HGD: variants seen among roughly 807,000 people sequenced by gnomAD.
HGD encodes the protein homogentisate oxidase.
Under a neutral mutation model 60.8 loss-of-function variants are expected in HGD, and 61 were observed. The observed-to-expected ratio is 1.00, with a 90% CI of 0.82 to 1.24. The LOEUF is 1.24. Ranked by LOEUF, HGD falls within the 50% of genes most tolerant of loss-of-function variation. The pLI is 0.00. For missense variants in HGD, 542 were observed against 547.1 expected, an observed-to-expected ratio of 0.99 and a Z score of 0.09; for synonymous variants, 212 against 187.7, an observed-to-expected ratio of 1.13 and a Z score of -1.06.
At chr3:120,630,877 C>CAA (rs1321831817) in intron 13 of HGD, among the ~76,000 whole-genome samples, 1 of 127,152 alleles carries the variant, frequency 7.9e-6, no homozygotes, top group East Asian at 2.2e-4. Flanking sequence ...CACACACACA[C>CAA]AGATAATGGA....
chr3:120,639,566 C>T (rs573782570), intron 11 of HGD, among the ~76,000 whole-genome samples: 1 of 152,304 alleles, frequency 6.6e-6, no homozygotes, highest in South Asian at 2.1e-4. Context: ...GGTCTGAGAA[C>T]CAACGGTGCC....
intron 4 of HGD, among the ~76,000 whole-genome samples, chr3:120,668,594 A>C (rs1307052327): frequency 1.3e-5 from 2 of 152,020 alleles, no homozygotes; most frequent in South Asian, 2.1e-4. Flanking sequence ...AAAAAATAAT[A>C]TAAAATGAAG....
chr3:120,648,522 A>C (rs1249985317), intron 6 of HGD, among the ~76,000 whole-genome samples: 1 of 152,268 alleles, frequency 6.6e-6, no homozygotes, highest in Non-Finnish European at 1.5e-5. Context: ...CAAATGGTCC[A>C]GTTCCAGAGG....
intron 4 of HGD, among the ~76,000 whole-genome samples, chr3:120,653,126 G>GT (rs888310784): frequency 3.3e-5 from 5 of 152,042 alleles, no homozygotes; most frequent in Admixed American, 6.6e-5. Context: ...GTTCTAAATT[G>GT]TTTTTTTAAG....
At chr3:120,655,592 G>A (rs761769232) in intron 4 of HGD, among the ~76,000 whole-genome samples, 6 of 152,318 alleles carry the variant, frequency 3.9e-5, no homozygotes, top group East Asian at 3.9e-4. Flanking sequence ...GGTCAGGAGC[G>A]CTGATGTGAT....
chr3:120,671,708 A>G (rs1223202386), intron 3 of HGD, among the ~76,000 whole-genome samples: 1 of 152,240 alleles, frequency 6.6e-6, no homozygotes, highest in African/African-American at 2.4e-5. Flanking sequence ...TTGCAGCACT[A>G]TTCACAATGC....
intron 4 of HGD, among the ~76,000 whole-genome samples, chr3:120,667,098 G>A (rs71618038): frequency 0.12 from 18,375 of 151,720 alleles, 1,287 homozygotes; most frequent in South Asian, 0.16. Flanking sequence ...GCTCAGGCAG[G>A]CAGATTGCTT....
At chr3:120,667,540 A>C (rs1479207130) in intron 4 of HGD, among the ~76,000 whole-genome samples, 3 of 152,052 alleles carry the variant, frequency 2.0e-5, no homozygotes, top group African/African-American at 7.2e-5. Context: ...AAGTAGAGTC[A>C]CATCACATAT....
Position 120,638,538 on chromosome 3 carries a change from G to C in HGD, c.923C>G (p.Pro308Arg), listed in dbSNP as rs201529624. 10 of 1,614,018 alleles carry C rather than the reference G, an allele frequency of 6.2e-6. No homozygotes were observed. In the East Asian group the frequency reaches 2.0e-4, roughly 32 times the overall value. Reference sequence around the variant, plus strand: ...GACAAAATCAGCAATGGCCACTCCAGGGCGGACAGACTTAGCAGTCAATAC... The same window carrying C: ...GACAAAATCAGCAATGGCCACTCCACGGCGGACAGACTTAGCAGTCAATAC... ...FTVLTAKSVR[P>R]GVAIADFVIF... The change falls in exon 12 of 14, where the codon CCT becomes CGT. Residue 308 changes from proline (P) to arginine (R), a missense_variant. Pro to Arg is a moderately radical substitution (Grantham distance 103, BLOSUM62 -2). This residue lies in a region of HGD where 537 missense variants were observed against 529.1 expected (regional missense o/e 1.01). Coordinates refer to ENST00000283871, the MANE Select transcript of HGD (RefSeq NM_000187.4).
At chr3:120,641,901 G>C in intron 10 of HGD, 1 of 578,370 alleles carries the variant, frequency 1.7e-6, no homozygotes, top group South Asian at 1.9e-5. Flanking sequence ...CTATTTTTCT[G>C]GTTCATAAGC....
intron 1 of HGD, among the ~76,000 whole-genome samples, chr3:120,678,303 T>C (rs1221956971): frequency 6.6e-6 from 1 of 152,188 alleles, no homozygotes; most frequent in Non-Finnish European, 1.5e-5. Context: ...TAACCCCAAA[T>C]TATCTTCAAT....
At chr3:120,648,476 C>T (rs112488469) in intron 6 of HGD, among the ~76,000 whole-genome samples, 1,531 of 152,318 alleles carry the variant, frequency 0.01, 18 homozygotes, top group African/African-American at 0.035. Flanking sequence ...CTCACAAGGT[C>T]GCTCAGCCAG....
intron 1 of HGD, among the ~76,000 whole-genome samples, chr3:120,676,657 A>C (rs2107559154): frequency 6.6e-6 from 1 of 152,282 alleles, no homozygotes; most frequent in South Asian, 2.1e-4. Flanking sequence ...CCTTAAAGCC[A>C]ATTCTAATGT....
intron 4 of HGD, among the ~76,000 whole-genome samples, chr3:120,664,426 C>CT (rs71133513): frequency 0.077 from 9,135 of 118,728 alleles, 944 homozygotes; most frequent in East Asian, 0.36. Flanking sequence ...TTTTTTCTTC[C>CT]TTTTTTTTTT....
At chr3:120,658,286 A>G (rs1941560652) in intron 4 of HGD, among the ~76,000 whole-genome samples, 2 of 152,262 alleles carry the variant, frequency 1.3e-5, no homozygotes, top group Admixed American at 1.3e-4. Context: ...GGGTATAGAC[A>G]TTAGGTAAAT....
At chr3:120,656,570 G>GT (rs1371658234) in intron 4 of HGD, among the ~76,000 whole-genome samples, 1 of 151,192 alleles carries the variant, frequency 6.6e-6, no homozygotes, top group East Asian at 1.9e-4. Flanking sequence ...TTTTGGGGGG[G>GT]GGTTGGAGTC....
At chr3:120,637,767 C>A (rs804973) in intron 12 of HGD, among the ~76,000 whole-genome samples, 23,571 of 152,130 alleles carry the variant, frequency 0.15, 1,922 homozygotes, top group Non-Finnish European at 0.19. Flanking sequence ...TGTTTAGAAG[C>A]CTTTCTAACA....
At chr3:120,662,647 A>C (rs1339947623) in intron 4 of HGD, among the ~76,000 whole-genome samples, 1 of 152,234 alleles carries the variant, frequency 6.6e-6, no homozygotes, top group Non-Finnish European at 1.5e-5. Flanking sequence ...TCTATTGCTC[A>C]AGGAGTTCCT....
chr3:120,638,413 C>G (rs766470191), intron 12 of HGD, 42 bp downstream of exon 12: 10 of 1,612,768 alleles, frequency 6.2e-6, no homozygotes, highest in Non-Finnish European at 1.7e-6. Context: ...GCTTTGTTGT[C>G]TCTTTGGCTT....
Sources: allele counts gnomAD v4.1 joint callset (sites outside exome capture counted in the v4.1 genomes callset), GRCh38; gene constraint gnomAD v4.1.1; regional missense constraint gnomAD v4.1.1; transcripts MANE v1.5; gene names NCBI Gene and HGNC (gene_info 2026-07-23, HGNC 2026-07-21).